PPARGC1A: variants seen among roughly 807,000 people sequenced by gnomAD.
PPARGC1A encodes PPARG coactivator 1 alpha, also known as peroxisome proliferator-activated receptor gamma coactivator 1-alpha.
Under a neutral mutation model 88.7 loss-of-function variants are expected in PPARGC1A, and 25 were observed. The observed-to-expected ratio is 0.28, with a 90% CI of 0.21 to 0.39. The LOEUF (loss-of-function observed/expected upper bound fraction) is 0.39, where lower values mean the gene tolerates loss of function less well. PPARGC1A is among the 10% of genes least tolerant of loss of function. PPARGC1A has a pLI of 1.00. For missense variants in PPARGC1A, 880 were observed against 968.7 expected, an observed-to-expected ratio of 0.91 and a Z score of 1.22; for synonymous variants, 363 against 355.6, an observed-to-expected ratio of 1.02 and a Z score of -0.24.
the PPARGC1A span, among the ~76,000 whole-genome samples, chr4:24,378,375 G>A: frequency 6.6e-6 from 1 of 152,020 alleles, no homozygotes; most frequent in South Asian, 2.1e-4. Flanking sequence ...ATACCAATCT[G>A]TGTAGTTGTA....
chr4:24,451,979 T>C, the PPARGC1A span, among the ~76,000 whole-genome samples: 1 of 152,126 alleles, frequency 6.6e-6, no homozygotes, highest in Non-Finnish European at 1.5e-5. Context: ...TGTACGAGAT[T>C]TAACATTTAA....
the PPARGC1A span, among the ~76,000 whole-genome samples, chr4:24,459,921 C>G: frequency 6.6e-6 from 1 of 152,018 alleles, no homozygotes; most frequent in Non-Finnish European, 1.5e-5. Flanking sequence ...CTGTATATGC[C>G]CAAATATAAG....
chr4:23,846,253 T>G (rs533388102), intron 2 of PPARGC1A, among the ~76,000 whole-genome samples: 1 of 152,164 alleles, frequency 6.6e-6, no homozygotes, highest in Admixed American at 6.5e-5. Flanking sequence ...CACTGAATAG[T>G]AAAAGCTGCG....
the PPARGC1A span, among the ~76,000 whole-genome samples, chr4:24,000,365 C>T: frequency 3.3e-5 from 5 of 152,268 alleles, no homozygotes; most frequent in South Asian, 8.3e-4. Context: ...CTCGGCACTC[C>T]TTCACACTGG....
chr4:24,274,315 C>T, the PPARGC1A span, among the ~76,000 whole-genome samples: 2 of 152,098 alleles, frequency 1.3e-5, no homozygotes, highest in Non-Finnish European at 2.9e-5. Flanking sequence ...CTTCCTAGTA[C>T]AGGGCTTTCT....
intron 12 of PPARGC1A, 104 bp downstream of exon 12, chr4:23,801,625 TA>T: frequency 1.6e-6 from 2 of 1,243,728 alleles, no homozygotes; most frequent in Non-Finnish European, 2.3e-6. Context: ...TTCCCTTTAG[TA>T]AAATAAAGTG....
chr4:23,924,271 C>G, the PPARGC1A span, among the ~76,000 whole-genome samples: 1 of 152,174 alleles, frequency 6.6e-6, no homozygotes, highest in Non-Finnish European at 1.5e-5. Flanking sequence ...TCCTCACTCC[C>G]TTTTTTGGGG....
At chr4:24,292,351 T>G in the PPARGC1A span, among the ~76,000 whole-genome samples, 2 of 151,946 alleles carry the variant, frequency 1.3e-5, no homozygotes, top group Non-Finnish European at 2.9e-5. Flanking sequence ...TGTCCACTGG[T>G]CTAAAGAAAT....
At chr4:24,216,592 G>C in the PPARGC1A span, among the ~76,000 whole-genome samples, 1 of 152,038 alleles carries the variant, frequency 6.6e-6, no homozygotes, top group African/African-American at 2.4e-5. Flanking sequence ...TTTTGTTTTT[G>C]TTCTTGCTTT....
rs564519968 is a variant in PPARGC1A at position 23,823,896 on chromosome 4, T to C, written c.877+384A>G. 3.3e-5 allele frequency among the ~76,000 whole-genome samples: 5 copies of C among 152,248 alleles called. 1 individual carries two copies. The East Asian group carries it at 9.7e-4, about 29-fold the overall frequency. Reference sequence around the variant, plus strand: ...CACCATAGTTCTGGTTCAAAGCATCTTGTTTAATGTACTGTTCCTTTAACC... The same window carrying C: ...CACCATAGTTCTGGTTCAAAGCATCCTGTTTAATGTACTGTTCCTTTAACC... On this transcript the variant is annotated intron_variant, in intron 7 of 12. Coordinates refer to ENST00000264867, the MANE Select transcript of PPARGC1A (RefSeq NM_013261.5).
At chr4:24,468,329 T>C in the PPARGC1A span, among the ~76,000 whole-genome samples, 1 of 152,258 alleles carries the variant, frequency 6.6e-6, no homozygotes. Flanking sequence ...AATGGTCTGC[T>C]GTCTGCTGCA....
the PPARGC1A span, among the ~76,000 whole-genome samples, chr4:24,163,235 C>T: frequency 6.7e-6 from 1 of 148,498 alleles, no homozygotes; most frequent in African/African-American, 2.5e-5. Context: ...TTGTGAAAAA[C>T]AGCCACTTCC....
At chr4:24,224,505 G>A in the PPARGC1A span, among the ~76,000 whole-genome samples, 3 of 152,128 alleles carry the variant, frequency 2.0e-5, no homozygotes, top group South Asian at 6.2e-4. Context: ...ACAATACCTG[G>A]TCTGGCATAT....
At chr4:24,202,464 C>G in the PPARGC1A span, among the ~76,000 whole-genome samples, 2 of 152,102 alleles carry the variant, frequency 1.3e-5, no homozygotes, top group African/African-American at 4.8e-5. Flanking sequence ...GCATTTCTGG[C>G]CTTGGTACTC....
chr4:24,219,560 A>G, the PPARGC1A span, among the ~76,000 whole-genome samples: 1 of 152,184 alleles, frequency 6.6e-6, no homozygotes, highest in South Asian at 2.1e-4. Context: ...TTAACAATTG[A>G]TCAATCAAAG....
chr4:23,996,940 A>G, the PPARGC1A span, among the ~76,000 whole-genome samples: 3 of 152,206 alleles, frequency 2.0e-5, no homozygotes, highest in African/African-American at 7.2e-5. Context: ...GCTTTGATCA[A>G]TGAGTATTTG....
intron 2 of PPARGC1A, among the ~76,000 whole-genome samples, chr4:23,843,381 CT>C (rs1727414426): frequency 6.6e-6 from 1 of 152,016 alleles, no homozygotes; most frequent in Non-Finnish European, 1.5e-5. Context: ...GGTGTGTGAC[CT>C]TCTGCAAGTT....
At chr4:24,089,499 TCTTTTCTTTTCTTTC>T in the PPARGC1A span, among the ~76,000 whole-genome samples, 52 of 94,774 alleles carry the variant, frequency 5.5e-4, 2 homozygotes, top group African/African-American at 1.3e-3. Flanking sequence ...TCTTTTCTTT[TCTTTTCTTTTCTTTC>T]TTTTTTTTTT....
intron 2 of PPARGC1A, among the ~76,000 whole-genome samples, chr4:23,878,779 G>T (rs967263550): frequency 3.3e-5 from 5 of 152,152 alleles, no homozygotes; most frequent in Non-Finnish European, 7.3e-5. Context: ...CCTGATTTAT[G>T]ACTCTCCAAG....
Sources: gnomAD v4.1 joint callset for allele counts (sites outside exome capture counted in the v4.1 genomes callset) on GRCh38, gnomAD v4.1.1 for gene constraint, MANE v1.5 for transcripts, NCBI Gene and HGNC (gene_info 2026-07-23, HGNC 2026-07-21) for gene names.